Variants in HMCN1 observed in about 807,000 individuals in gnomAD.
HMCN1 encodes hemicentin 1, also known as hemicentin-1.
HMCN1 carries 321 observed loss-of-function variants against 625.9 expected under a neutral mutation model. The observed-to-expected ratio is 0.51, with a 90% CI of 0.47 to 0.56. The LOEUF is 0.56. Ranked by LOEUF, HMCN1 falls within the 20% of genes least tolerant of loss-of-function variation. The pLI is 0.00. For synonymous variants in HMCN1, 2,425 were observed against 2,417.6 expected (o/e 1.00, Z -0.09); for missense variants, 6,588 against 6,887.3 (o/e 0.96, Z 1.54).
chr1:185,993,621 G>T (rs139924006), intron 23 of HMCN1, among the ~76,000 whole-genome samples: 14 of 151,966 alleles, frequency 9.2e-5, no homozygotes, highest in Admixed American at 2.0e-4. Flanking sequence ...TGTTTAAGCC[G>T]GTAGCATTTT....
At chr1:186,102,338 T>G (rs1424220112) in intron 68 of HMCN1, among the ~76,000 whole-genome samples, 1 of 152,078 alleles carries the variant, frequency 6.6e-6, no homozygotes, top group Non-Finnish European at 1.5e-5. Context: ...ATATTATCTT[T>G]CTCCAGAAGG....
intron 1 of HMCN1, among the ~76,000 whole-genome samples, chr1:185,835,824 A>G (rs1661131608): frequency 6.6e-6 from 1 of 152,176 alleles, no homozygotes; most frequent in African/African-American, 2.4e-5. Flanking sequence ...TATAGAAAAT[A>G]TAAATAATAT....
At chr1:186,017,420 T>C (rs1654436239) in intron 33 of HMCN1, among the ~76,000 whole-genome samples, 1 of 152,008 alleles carries the variant, frequency 6.6e-6, no homozygotes, top group Admixed American at 6.6e-5. Context: ...GACTACTAAA[T>C]AAAAAGGAGT....
At chr1:185,808,817 A>C (rs1398935814) in intron 1 of HMCN1, among the ~76,000 whole-genome samples, 1 of 152,150 alleles carries the variant, frequency 6.6e-6, no homozygotes, top group East Asian at 1.9e-4. Flanking sequence ...TTTGACTATT[A>C]ATAATATGAT....
intron 1 of HMCN1, among the ~76,000 whole-genome samples, chr1:185,793,445 C>G (rs997151558): frequency 6.6e-6 from 1 of 152,156 alleles, no homozygotes; most frequent in African/African-American, 2.4e-5. Context: ...CTTGTGATTA[C>G]TTTGGTCCCA....
chr1:186,004,162 A>G (rs944026075), intron 29 of HMCN1, among the ~76,000 whole-genome samples: 2 of 152,180 alleles, frequency 1.3e-5, no homozygotes, highest in Non-Finnish European at 2.9e-5. Flanking sequence ...TTCTGTTTAC[A>G]TTGAACTGTC....
At chr1:186,042,592 C>A (rs916803697) in intron 40 of HMCN1, among the ~76,000 whole-genome samples, 1 of 152,028 alleles carries the variant, frequency 6.6e-6, no homozygotes, top group Non-Finnish European at 1.5e-5. Flanking sequence ...CTTTCTTAGG[C>A]TGAAAATCAG....
chr1:186,039,772 G>A lies in HMCN1; in HGVS notation c.6073G>A (p.Val2025Ile), dbSNP rs1656085920. Residue 2025 changes from valine to isoleucine, a missense_variant, in exon 39 of 107, where the codon GTT (valine) becomes ATT (isoleucine). Around this residue, in one of 3 missense-constraint regions of HMCN1, gnomAD observed 4,628 missense variants for 4,853.1 expected, o/e 0.95. Coordinates refer to ENST00000271588, the MANE Select transcript of HMCN1 (RefSeq NM_031935.3). ...SGSNNMVAVV[V>I]NNPVRLECEA... ...CAGCAATAACATGGTGGCAGTGGTG[G>A]TTAATAACCCGGTGAGGTTAGAATG... 3.7e-6 allele frequency: 6 copies of A among 1,613,544 alleles called. No homozygotes were observed. In the East Asian group the frequency reaches 1.3e-4, roughly 36 times the overall value.
At chr1:186,148,935 CTTTT>C (rs57126500) in intron 93 of HMCN1, among the ~76,000 whole-genome samples, 1 of 143,304 alleles carries the variant, frequency 7.0e-6, no homozygotes, top group East Asian at 2.1e-4. Context: ...TGAAAGGAAT[CTTTT>C]TTTTTTTTTT....
chr1:186,112,815 A>G lies in HMCN1; in HGVS notation c.10993A>G (p.Thr3665Ala). 1.2e-6 allele frequency: 2 copies of G among 1,614,164 alleles called. No homozygotes were observed. The highest frequency in any genetic ancestry group is 1.7e-6 in the Non-Finnish European group (2 of 1,180,006). ...TTTCTTTACTTGCTGAATCCAGGCA[A>G]CACCTCGAGTGCGAATCCTATCTGG... Reference protein sequence around the residue: ...WLRNGERLQATPRVRILSGGR... With the variant: ...WLRNGERLQAAPRVRILSGGR... The change falls in exon 72 of 107, where the codon ACA becomes GCA. Residue 3665 changes from threonine to alanine, a missense_variant. Coordinates refer to ENST00000271588, the MANE Select transcript of HMCN1 (RefSeq NM_031935.3).
intron 11 of HMCN1, among the ~76,000 whole-genome samples, chr1:185,945,029 T>C (rs1228249316): frequency 6.6e-6 from 1 of 152,234 alleles, no homozygotes; most frequent in African/African-American, 2.4e-5. Flanking sequence ...AAAGATTAGA[T>C]ATTTGTTGTA....
Position 185,832,234 on chromosome 1 carries a change from T to C in HMCN1, c.269-13792T>C, listed in dbSNP as rs145882398. On this transcript the variant is annotated intron_variant, in intron 1 of 106. Coordinates refer to ENST00000271588, the MANE Select transcript of HMCN1 (RefSeq NM_031935.3). ...TCGCTTGAACCCGGGAGGCAGAGGC[T>C]GCAGTAAGCCGAGATCACACCACTG... Among the ~76,000 whole-genome samples, 114 of 150,170 alleles carry C rather than the reference T, an allele frequency of 7.6e-4. 1 individual carries two copies. Among genetic ancestry groups the C allele is most frequent in the South Asian group, 4.2e-4 (2 of 4,722 alleles).
chr1:185,997,306 A>G, intron 24 of HMCN1, 123 bp from the exon 25 acceptor site: 1 of 718,866 alleles, frequency 1.4e-6, no homozygotes. Flanking sequence ...GGAAATAGGA[A>G]TCATATTTAA....
intron 2 of HMCN1, among the ~76,000 whole-genome samples, chr1:185,858,076 T>C (rs1474250427): frequency 6.6e-6 from 1 of 152,204 alleles, no homozygotes; most frequent in Non-Finnish European, 1.5e-5. Flanking sequence ...TTTCACTTAC[T>C]AGTTGTGTGA....
chr1:185,834,585 G>C (rs1040634041), intron 1 of HMCN1, among the ~76,000 whole-genome samples: 4 of 152,198 alleles, frequency 2.6e-5, no homozygotes, highest in Non-Finnish European at 5.9e-5. Flanking sequence ...ATGCAAGACA[G>C]AAACTATGGT....
chr1:185,822,049 G>A (rs1224773780), intron 1 of HMCN1, among the ~76,000 whole-genome samples: 1 of 152,118 alleles, frequency 6.6e-6, no homozygotes, highest in Non-Finnish European at 1.5e-5. Flanking sequence ...GTGGTTGCCA[G>A]GGTTTGAGAG....
chr1:186,061,816 T>C (rs770980574), intron 46 of HMCN1, 35 bp from the exon 47 acceptor site: 1 of 1,458,832 alleles, frequency 6.9e-7, no homozygotes, highest in Non-Finnish European at 9.6e-7. Context: ...ATTTTTCTTT[T>C]TAAGTTATCT....
intron 4 of HMCN1, among the ~76,000 whole-genome samples, chr1:185,902,405 CTCTA>C (rs57523158): frequency 0.19 from 26,935 of 145,166 alleles, 2,506 homozygotes; most frequent in South Asian, 0.28. Context: ...ATCTATCTAT[CTCTA>C]TCTATCTATC....
At chr1:186,050,255 G>A (rs549582437) in intron 42 of HMCN1, among the ~76,000 whole-genome samples, 14 of 151,922 alleles carry the variant, frequency 9.2e-5, no homozygotes, top group Admixed American at 2.0e-4. Flanking sequence ...AATATTTGAG[G>A]TACCTGTGGA....
Sources: gnomAD v4.1 joint callset for allele counts (sites outside exome capture counted in the v4.1 genomes callset) on GRCh38, gnomAD v4.1.1 for gene constraint, gnomAD v4.1.1 regional missense constraint, MANE v1.5 for transcripts, NCBI Gene and HGNC (gene_info 2026-07-23, HGNC 2026-07-21) for gene names.